The following SNX29 variants were observed in gnomAD, a reference collection of about 807,000 sequenced individuals.
SNX29 encodes sorting nexin-29.
A neutral mutation model predicts 102.1 loss-of-function variants in SNX29; 78 were observed. The ratio of observed to expected loss-of-function variants is 0.76; its 90% CI spans 0.64 to 0.92. The LOEUF (loss-of-function observed/expected upper bound fraction) is 0.92, where lower values mean the gene tolerates loss of function less well. Among genes scored for constraint, SNX29 ranks in the 40% least tolerant of loss-of-function variants. The probability of loss-of-function intolerance (pLI) is 0.00; values close to 1 mark genes in which losing one functional copy is unlikely to be tolerated. For synonymous variants in SNX29, 580 were observed against 414.5 expected (o/e 1.40, Z -4.85); for missense variants, 1,280 against 1,061.7 (o/e 1.21, Z -2.86).
At chr16:12,232,727 A>C (rs918110773) in intron 14 of SNX29, among the ~76,000 whole-genome samples, 1 of 152,236 alleles carries the variant, frequency 6.6e-6, no homozygotes, top group African/African-American at 2.4e-5. Flanking sequence ...TCTGTCACCC[A>C]GGATGGCTGC....
At chr16:12,323,971 G>C (rs1017704660) in intron 15 of SNX29, among the ~76,000 whole-genome samples, 2 of 152,284 alleles carry the variant, frequency 1.3e-5, no homozygotes, top group Middle Eastern at 3.4e-3. Flanking sequence ...GAGATTGATT[G>C]TAAGTGTTCT....
At chr16:12,055,510 C>T (rs1471514638) in intron 8 of SNX29, among the ~76,000 whole-genome samples, 1 of 152,062 alleles carries the variant, frequency 6.6e-6, no homozygotes, top group Non-Finnish European at 1.5e-5. Flanking sequence ...GGATTACAGG[C>T]ATGAGCCACC....
chr16:12,496,739 A>G (rs10459784), intron 19 of SNX29, among the ~76,000 whole-genome samples: 6,137 of 151,982 alleles, frequency 0.04, 306 homozygotes, highest in East Asian at 0.23. Context: ...TCGAACTCCT[A>G]ACCTCAAGTG....
chr16:12,559,514 CTT>C (rs2078589726), intron 20 of SNX29, among the ~76,000 whole-genome samples: 1 of 151,906 alleles, frequency 6.6e-6, no homozygotes, highest in Admixed American at 6.6e-5. Flanking sequence ...ATGTAACACA[CTT>C]TGTATCTCAA....
At chr16:12,515,158 G>A (rs2089809017) in intron 19 of SNX29, among the ~76,000 whole-genome samples, 1 of 152,076 alleles carries the variant, frequency 6.6e-6, no homozygotes, top group South Asian at 2.1e-4. Flanking sequence ...TTCAGATCAG[G>A]CACCCTGTCC....
At chr16:12,534,919 C>T (rs2077031872) in intron 20 of SNX29, among the ~76,000 whole-genome samples, 1 of 152,166 alleles carries the variant, frequency 6.6e-6, no homozygotes, top group African/African-American at 2.4e-5. Flanking sequence ...TACTGAGCAT[C>T]CTACACCTCA....
At position 12,135,526 on chromosome 16, in the gene SNX29, G is replaced by T. The variant is rs117734326; in HGVS notation, c.1595+5768G>T. 3,647 of 1,319,824 alleles carry T rather than the reference G, an allele frequency of 2.8e-3. 6 individuals are homozygous for T. The highest frequency in any genetic ancestry group is 3.3e-3 in the Non-Finnish European group (3,360 of 1,006,552). The allele number at this position is 1,319,824 out of a possible 1,614,324, so 81.8% of individuals were successfully genotyped here. On this transcript the variant is annotated intron_variant, in intron 13 of 20. Coordinates refer to ENST00000566228, the MANE Select transcript of SNX29 (RefSeq NM_032167.5). ...ATTCTTGAGAGGATGGTGCCAGCCA[G>T]TTCTCTTTGCTATTTTGTTGGCAGC...
intron 16 of SNX29, among the ~76,000 whole-genome samples, chr16:12,382,985 C>T (rs192516625): frequency 3.6e-4 from 55 of 152,270 alleles, no homozygotes; most frequent in South Asian, 1.5e-3. Context: ...TTACAAGTCA[C>T]ATTTATAGGT....
intron 19 of SNX29, among the ~76,000 whole-genome samples, chr16:12,514,604 C>A (rs2089779388): frequency 6.6e-6 from 1 of 152,028 alleles, no homozygotes; most frequent in African/African-American, 2.4e-5. Context: ...GTGGCTCATG[C>A]CTGTGATCCC....
intron 14 of SNX29, among the ~76,000 whole-genome samples, chr16:12,240,679 C>T (rs534283518): frequency 2.1e-5 from 3 of 141,038 alleles, no homozygotes; most frequent in Admixed American, 7.7e-5. Context: ...TTACTGCAAC[C>T]TCTGCCTCCT....
chr16:12,186,548 G>C (rs1403807839), intron 13 of SNX29, among the ~76,000 whole-genome samples: 1 of 152,172 alleles, frequency 6.6e-6, no homozygotes, highest in Non-Finnish European at 1.5e-5. Context: ...ATTATGACGT[G>C]ATATTTAGGC....
intron 15 of SNX29, among the ~76,000 whole-genome samples, chr16:12,287,316 C>T (rs1472481508): frequency 6.6e-6 from 1 of 152,194 alleles, no homozygotes; most frequent in Non-Finnish European, 1.5e-5. Context: ...CAGACTCCTT[C>T]CCTAAGGAAG....
chr16:12,287,611 T>C (rs1036620049), intron 15 of SNX29, among the ~76,000 whole-genome samples: 2 of 152,194 alleles, frequency 1.3e-5, no homozygotes, highest in African/African-American at 4.8e-5. Context: ...GACTGTCTTT[T>C]TAAAACAGAA....
At chr16:12,165,434 A>G (rs529023645) in intron 13 of SNX29, among the ~76,000 whole-genome samples, 73 of 152,378 alleles carry the variant, frequency 4.8e-4, no homozygotes, top group African/African-American at 1.5e-3. Context: ...AGAAAAGATG[A>G]AAAATGATAC....
chr16:12,089,143 G>A (rs1002822111), intron 11 of SNX29, among the ~76,000 whole-genome samples: 18 of 125,026 alleles, frequency 1.4e-4, no homozygotes, highest in Admixed American at 4.1e-4. Context: ...GAGAGAGAGA[G>A]AAAAGAGAAA....
intron 11 of SNX29, chr16:12,087,785 T>A: frequency 2.2e-6 from 1 of 450,070 alleles, no homozygotes; most frequent in South Asian, 1.6e-5. Flanking sequence ...ACAGCCAAAC[T>A]TCTGGGGCTG....
At chr16:12,542,211 C>G (rs971217544) in intron 20 of SNX29, among the ~76,000 whole-genome samples, 7 of 152,154 alleles carry the variant, frequency 4.6e-5, no homozygotes, top group African/African-American at 1.7e-4. Flanking sequence ...GTCAAGGAAT[C>G]TGCAACTCAG....
At chr16:12,507,029 A>T (rs934995000) in intron 19 of SNX29, among the ~76,000 whole-genome samples, 4 of 152,212 alleles carry the variant, frequency 2.6e-5, no homozygotes, top group African/African-American at 9.6e-5. Flanking sequence ...CCTGTAGATT[A>T]TTGTGAGAAT....
intron 18 of SNX29, among the ~76,000 whole-genome samples, chr16:12,435,593 A>C (rs1235538373): frequency 1.3e-5 from 2 of 152,222 alleles, no homozygotes; most frequent in African/African-American, 2.4e-5. Flanking sequence ...AAAACACCAG[A>C]GGACGCAGTT....
Sources: allele counts gnomAD v4.1 joint callset (sites outside exome capture counted in the v4.1 genomes callset), GRCh38; gene constraint gnomAD v4.1.1; transcripts MANE v1.5; gene names NCBI Gene and HGNC (gene_info 2026-07-23, HGNC 2026-07-21).